The following TRAPPC9 variants were observed in gnomAD, a reference collection of about 807,000 sequenced individuals.
TRAPPC9 encodes the protein trafficking protein particle complex subunit 9, also known as IKK2 binding protein.
TRAPPC9 carries 83 observed loss-of-function variants against 124.0 expected under a neutral mutation model. The ratio of observed to expected loss-of-function variants is 0.67; its 90% CI spans 0.56 to 0.80. The LOEUF (loss-of-function observed/expected upper bound fraction) is 0.80. Ranked by LOEUF, TRAPPC9 falls within the 30% of genes least tolerant of loss-of-function variation. The pLI, the probability that TRAPPC9 is intolerant of heterozygous loss-of-function variation, is 0.00. For synonymous variants in TRAPPC9, 638 were observed against 617.5 expected (o/e 1.03, Z -0.49); for missense variants, 1,302 against 1,508.3 (o/e 0.86, Z 2.27).
chr8:140,335,705 ATT>A (rs10622473), intron 9 of TRAPPC9, among the ~76,000 whole-genome samples: 105 of 131,644 alleles, frequency 8.0e-4, no homozygotes, highest in Non-Finnish European at 9.4e-4. Flanking sequence ...AGTCTTCACA[ATT>A]TTTTTTTTTT....
chr8:139,875,019 G>A (rs1299950616), intron 21 of TRAPPC9, among the ~76,000 whole-genome samples: 10 of 152,252 alleles, frequency 6.6e-5, no homozygotes. Context: ...ACGCCTTCCT[G>A]AAAGGCGCAG....
At chr8:140,328,459 T>C (rs2066799080) in intron 9 of TRAPPC9, among the ~76,000 whole-genome samples, 1 of 151,788 alleles carries the variant, frequency 6.6e-6, no homozygotes, top group Non-Finnish European at 1.5e-5. Context: ...GACTGGAAAC[T>C]ATCATTCCAA....
intron 18 of TRAPPC9, among the ~76,000 whole-genome samples, chr8:139,999,529 A>G (rs1318103152): frequency 6.6e-6 from 1 of 152,228 alleles, no homozygotes; most frequent in Non-Finnish European, 1.5e-5. Context: ...CATGAAATCA[A>G]TAAAGACATA....
intron 17 of TRAPPC9, among the ~76,000 whole-genome samples, chr8:140,135,011 G>A (rs1349768596): frequency 6.6e-6 from 1 of 152,164 alleles, no homozygotes; most frequent in East Asian, 1.9e-4. Flanking sequence ...AAAGGCCTTA[G>A]ATAGATTTTT....
intron 17 of TRAPPC9, among the ~76,000 whole-genome samples, chr8:140,143,316 A>G (rs2061408807): frequency 6.6e-6 from 1 of 152,180 alleles, no homozygotes; most frequent in Non-Finnish European, 1.5e-5. Flanking sequence ...CTTCAGCTGC[A>G]CTGCCCACTT....
intron 19 of TRAPPC9, among the ~76,000 whole-genome samples, chr8:139,950,850 C>T (rs1054827265): frequency 3.3e-5 from 5 of 152,204 alleles, no homozygotes; most frequent in African/African-American, 1.2e-4. Context: ...ACACCAGCTC[C>T]GAAGGCCTCT....
chr8:140,130,596 T>C lies in TRAPPC9; in HGVS notation c.2556+90863A>G, dbSNP rs927114151. ...ACAGACTGAGGCTAAAAGAATCAGATGATTCTAAGTGGGACCCCTTCATCT... is the reference window on the plus strand; with the variant it reads ...ACAGACTGAGGCTAAAAGAATCAGACGATTCTAAGTGGGACCCCTTCATCT... On this transcript the variant is annotated intron_variant, in intron 17 of 22. Transcript: ENST00000438773. Among the ~76,000 whole-genome samples, 5 of 152,174 alleles carry C rather than the reference T, an allele frequency of 3.3e-5. No individual in the cohort carries two copies. In the East Asian group the frequency reaches 9.6e-4, roughly 29 times the overall value.
At chr8:140,325,701 A>G (rs978031310) in intron 9 of TRAPPC9, among the ~76,000 whole-genome samples, 1 of 152,234 alleles carries the variant, frequency 6.6e-6, no homozygotes, top group Non-Finnish European at 1.5e-5. Flanking sequence ...AATAATATCA[A>G]TCTCATACAA....
At chr8:140,338,322 C>T (rs1024614742) in intron 9 of TRAPPC9, among the ~76,000 whole-genome samples, 15 of 152,080 alleles carry the variant, frequency 9.9e-5, no homozygotes, top group Non-Finnish European at 1.8e-4. Flanking sequence ...CATATGTGTC[C>T]GCTCCATTAC....
intron 3 of TRAPPC9, 120 bp downstream of exon 3, chr8:140,438,932 G>A (rs2132626857): frequency 1.7e-6 from 2 of 1,202,328 alleles, no homozygotes; most frequent in South Asian, 2.5e-5. Flanking sequence ...CCTCATATTT[G>A]GCCTGCCGTA....
chr8:139,871,098 G>A (rs1348591040), intron 21 of TRAPPC9, among the ~76,000 whole-genome samples: 1 of 152,202 alleles, frequency 6.6e-6, no homozygotes, highest in Non-Finnish European at 1.5e-5. Context: ...TGTGAGGACT[G>A]TGTGACATGA....
At chr8:140,328,722 A>AT (rs1006423721) in intron 9 of TRAPPC9, among the ~76,000 whole-genome samples, 49 of 150,450 alleles carry the variant, frequency 3.3e-4, no homozygotes, top group East Asian at 1.2e-3. Context: ...TATGGAAATA[A>AT]TTTTTTTTTT....
intron 17 of TRAPPC9, among the ~76,000 whole-genome samples, chr8:140,042,631 C>T (rs1029848267): frequency 1.3e-5 from 2 of 152,236 alleles, no homozygotes; most frequent in East Asian, 1.9e-4. Context: ...TTGCTCTCCA[C>T]GGCCCTGTGG....
chr8:139,804,452 CCACCACCACCACT>C (rs1823858330), intron 21 of TRAPPC9, among the ~76,000 whole-genome samples: 1 of 142,250 alleles, frequency 7.0e-6, no homozygotes, highest in Non-Finnish European at 1.5e-5. Context: ...CCACCACTCA[CCACCACCACCACT>C]CACCACCACC....
At chr8:139,870,890 G>A (rs1828857835) in intron 21 of TRAPPC9, among the ~76,000 whole-genome samples, 1 of 152,190 alleles carries the variant, frequency 6.6e-6, no homozygotes, top group African/African-American at 2.4e-5. Flanking sequence ...GCTTGCAGGG[G>A]CTACCATGCA....
rs527821872 is a variant in TRAPPC9 at position 139,816,035 on chromosome 8, G to A, written c.3055+69844C>T. 1.9e-4 allele frequency among the ~76,000 whole-genome samples: 29 copies of A among 152,322 alleles called. No individual in the cohort carries two copies. The South Asian group carries it at 5.8e-3, about 30-fold the overall frequency. On this transcript the variant is annotated intron_variant, in intron 21 of 22. Coordinates refer to ENST00000438773, the MANE Select transcript of TRAPPC9 (RefSeq NM_001160372.4). Reference sequence around the variant, plus strand: ...GGATTCCCGAGCCTGGATAAAACTGGCTTAACCACTGGAGAAACTGGCAAG... The same window carrying A: ...GGATTCCCGAGCCTGGATAAAACTGACTTAACCACTGGAGAAACTGGCAAG...
At chr8:139,968,728 A>G (rs1835873380) in intron 19 of TRAPPC9, among the ~76,000 whole-genome samples, 1 of 152,216 alleles carries the variant, frequency 6.6e-6, no homozygotes, top group Non-Finnish European at 1.5e-5. Context: ...CCAGGTGCAC[A>G]AGAGCGAGTC....
intron 18 of TRAPPC9, among the ~76,000 whole-genome samples, chr8:140,015,271 G>A (rs1010767825): frequency 2.0e-5 from 3 of 152,212 alleles, no homozygotes; most frequent in Non-Finnish European, 4.4e-5. Context: ...GTGAACCTGA[G>A]CAAATCAGAA....
rs146061390 is a variant in TRAPPC9, at chr8:139,843,279, A to G, written c.3055+42600T>C. Among the ~76,000 whole-genome samples the G allele has an allele frequency of 1.8e-4, 27 of 152,320 alleles. No individual in the cohort carries two copies. The East Asian group carries it at 3.7e-3, about 21-fold the overall frequency. Reference sequence around the variant, plus strand: ...CTGAGGCTCAGAAAAGTGAATTCCCAGAGCCAGCAGGAGGGCGGCAGGGCT... The same window carrying G: ...CTGAGGCTCAGAAAAGTGAATTCCCGGAGCCAGCAGGAGGGCGGCAGGGCT... On this transcript the variant is annotated intron_variant, in intron 21 of 22. Coordinates refer to ENST00000438773, the MANE Select transcript of TRAPPC9 (RefSeq NM_001160372.4).
Sources: allele counts gnomAD v4.1 joint callset (sites outside exome capture counted in the v4.1 genomes callset), GRCh38; gene constraint gnomAD v4.1.1; transcripts MANE v1.5; gene names NCBI Gene and HGNC (gene_info 2026-07-23, HGNC 2026-07-21).